STIM1: variants seen among roughly 807,000 people sequenced by gnomAD.
The protein encoded by STIM1 is stromal interaction molecule 1.
In STIM1, 25 loss-of-function variants were observed where a neutral mutation model predicts 74.7. The observed-to-expected ratio is 0.33, with a 90% CI of 0.24 to 0.47. The LOEUF is 0.47. Ranked by LOEUF, STIM1 falls within the 20% of genes least tolerant of loss-of-function variation. The pLI is 1.00. For missense variants in STIM1, 728 were observed against 920.8 expected, an observed-to-expected ratio of 0.79 and a Z score of 2.71; for synonymous variants, 328 against 348.8, an observed-to-expected ratio of 0.94 and a Z score of 0.66.
At chr11:3,949,510 G>GGT (rs1458848555) in intron 1 of STIM1, among the ~76,000 whole-genome samples, 1 of 152,084 alleles carries the variant, frequency 6.6e-6, no homozygotes, top group Non-Finnish European at 1.5e-5. Context: ...CCCTGAAAGG[G>GGT]GTCCTTGAGG....
intron 1 of STIM1, among the ~76,000 whole-genome samples, chr11:3,877,837 C>T (rs1448484582): frequency 6.6e-6 from 1 of 152,118 alleles, no homozygotes; most frequent in Non-Finnish European, 1.5e-5. Flanking sequence ...CTCCTTTTAT[C>T]CTATCATTCT....
intron 1 of STIM1, among the ~76,000 whole-genome samples, chr11:3,965,299 TGCTG>T (rs1261400097): frequency 2.0e-5 from 3 of 152,234 alleles, no homozygotes; most frequent in Non-Finnish European, 4.4e-5. Context: ...CAGAAAAATT[TGCTG>T]ATACTTAATT....
At chr11:3,911,491 C>T (rs946674043) in intron 1 of STIM1, among the ~76,000 whole-genome samples, 11 of 152,084 alleles carry the variant, frequency 7.2e-5, no homozygotes, top group Non-Finnish European at 1.6e-4. Context: ...CTCAAGTGAT[C>T]CTCCCACCTA....
At chr11:3,975,661 A>T (rs2093440797) in intron 2 of STIM1, among the ~76,000 whole-genome samples, 1 of 152,122 alleles carries the variant, frequency 6.6e-6, no homozygotes. Flanking sequence ...AGGAAGAAGA[A>T]AATAAGCCAC....
At chr11:3,879,833 G>A (rs1317885555) in intron 1 of STIM1, among the ~76,000 whole-genome samples, 1 of 152,092 alleles carries the variant, frequency 6.6e-6, no homozygotes, top group Non-Finnish European at 1.5e-5. Context: ...GTTTTTAGGA[G>A]GTTTGGTTGG....
intron 1 of STIM1, among the ~76,000 whole-genome samples, chr11:3,888,309 G>C (rs1425261645): frequency 6.6e-6 from 1 of 152,162 alleles, no homozygotes; most frequent in Non-Finnish European, 1.5e-5. Context: ...GTGAATGATT[G>C]AGATGCTTTT....
intron 2 of STIM1, among the ~76,000 whole-genome samples, chr11:4,020,913 T>C (rs1194693855): frequency 2.0e-5 from 3 of 152,094 alleles, no homozygotes; most frequent in Non-Finnish European, 4.4e-5. Context: ...TTGTTTGTCT[T>C]CTTTTGAGAA....
Position 4,055,613 on chromosome 11 carries a change from A to C in STIM1, c.473A>C (p.Gln158Pro), listed in dbSNP as rs899854132. The change falls in exon 4 of 13, where the codon CAG becomes CCG. Residue 158 changes from glutamine to proline, a missense_variant. Physicochemically the swap from Gln to Pro is moderately conservative, Grantham distance 76 (BLOSUM62 -1). This residue lies in a region of STIM1 where 132 missense variants were observed against 158.2 expected (regional missense o/e 0.83). Transcript: ENST00000526596. ...PQYEETFRKLQLSGHAMPRLA... is the reference protein window; with the variant it reads ...PQYEETFRKLPLSGHAMPRLA... ...TATGAGGAGACCTTCCGGAAGCTGC[A>C]GCTCAGTGGCCATGCCATGCCAAGG... The C allele has an allele frequency of 6.3e-7, 1 of 1,592,784 alleles. No individual in the cohort carries two copies. Among genetic ancestry groups the C allele is most frequent in the Admixed American group, 1.7e-5 (1 of 57,160 alleles).
At chr11:4,001,723 T>C (rs967865240) in intron 2 of STIM1, among the ~76,000 whole-genome samples, 2 of 151,448 alleles carry the variant, frequency 1.3e-5, no homozygotes, top group African/African-American at 4.8e-5. Flanking sequence ...CAGGATCAAA[T>C]TCACACATAA....
chr11:3,914,598 C>G (rs553086425), intron 1 of STIM1, among the ~76,000 whole-genome samples: 3 of 152,158 alleles, frequency 2.0e-5, no homozygotes, highest in African/African-American at 7.2e-5. Context: ...TGCACCGCCA[C>G]GCCCGGCTGA....
At chr11:3,862,241 T>TC (rs2090641973) in intron 1 of STIM1, among the ~76,000 whole-genome samples, 1 of 151,926 alleles carries the variant, frequency 6.6e-6, no homozygotes, top group South Asian at 2.1e-4. Flanking sequence ...TACCCTAAAT[T>TC]CCCCCTAAAA....
Position 4,091,415 on chromosome 11 carries a change from CTGATCGAG to C in STIM1, c.1769_1776del (p.Leu590ArgfsTer13). 6.2e-7 allele frequency: 1 copy of C among 1,614,224 alleles called. No homozygotes were observed. The highest frequency in any genetic ancestry group is 1.3e-5 in the African/African-American group (1 of 75,066). On this transcript the variant is annotated frameshift_variant, in exon 13 of 13. Transcript: ENST00000526596. LOFTEE classifies it high-confidence loss of function. ...CATGACTTCCAATGGCAGCCACCGG[CTGATCGAG>C]GGGGTCCACCCAGGGTCTCTGGTGG...
chr11:3,878,673 T>C (rs143225834), intron 1 of STIM1, among the ~76,000 whole-genome samples: 67 of 152,298 alleles, frequency 4.4e-4, no homozygotes, highest in African/African-American at 1.6e-3. Flanking sequence ...TGCAGAGTCA[T>C]GAGAGCAGGG....
At position 4,074,798 on chromosome 11, in the gene STIM1, T is replaced by G. The variant is rs563509458; in HGVS notation, c.969+119T>G. On this transcript the variant is annotated intron_variant, in intron 7 of 12. Coordinates refer to ENST00000526596, the MANE Select transcript of STIM1 (RefSeq NM_001382567.1). The stretch of plus-strand genomic sequence containing the variant: ...GAAATATGATCCAAAGACTATGTTC[T>G]AGAGTCACTGGACTCTTACCAACAA... 151 of 1,151,880 alleles carry G rather than the reference T, an allele frequency of 1.3e-4. 2 individuals carry two copies. The East Asian group carries it at 3.6e-3, about 28-fold the overall frequency. The allele number at this position is 1,151,880 out of a possible 1,614,324, so 71.4% of individuals were successfully genotyped here.
At chr11:4,048,355 G>A (rs1047217956) in intron 3 of STIM1, among the ~76,000 whole-genome samples, 12 of 152,144 alleles carry the variant, frequency 7.9e-5, no homozygotes, top group Non-Finnish European at 2.9e-5. Context: ...ATAGAACAAA[G>A]TTTAAGTCAC....
intron 1 of STIM1, among the ~76,000 whole-genome samples, chr11:3,895,608 C>CTCTTTCTTTCTTTCTTTCTT (rs1157112648): frequency 2.3e-4 from 12 of 53,124 alleles, no homozygotes; most frequent in East Asian, 8.0e-4. Flanking sequence ...TTCTTTCTCT[C>CTCTTTCTTTCTTTCTTTCTT]TCTTTCTTTC....
At chr11:3,910,500 G>A (rs1297206410) in intron 1 of STIM1, among the ~76,000 whole-genome samples, 1 of 151,950 alleles carries the variant, frequency 6.6e-6, no homozygotes, top group Non-Finnish European at 1.5e-5. Flanking sequence ...AGCTGAGGTG[G>A]GAAGATTGCT....
At chr11:3,992,089 G>GTTTTTTTTT (rs75377604) in intron 2 of STIM1, among the ~76,000 whole-genome samples, 347 of 95,374 alleles carry the variant, frequency 3.6e-3, no homozygotes, top group East Asian at 1.0e-2. Flanking sequence ...CTGTTTTTTT[G>GTTTTTTTTT]TTTTTTTTTT....
intron 3 of STIM1, among the ~76,000 whole-genome samples, chr11:4,041,639 A>G (rs551164111): frequency 1.5e-4 from 23 of 151,676 alleles, no homozygotes; most frequent in Non-Finnish European, 2.8e-4. Flanking sequence ...GATCTTTGCT[A>G]TCACTCAGGG....
Sources: gnomAD v4.1 joint callset for allele counts (sites outside exome capture counted in the v4.1 genomes callset) on GRCh38, gnomAD v4.1.1 for gene constraint, gnomAD v4.1.1 regional missense constraint, MANE v1.5 for transcripts, NCBI Gene and HGNC (gene_info 2026-07-23, HGNC 2026-07-21) for gene names.